Variants in RGL1 observed in about 807,000 individuals in gnomAD.
The protein encoded by RGL1 is ral guanine nucleotide dissociation stimulator-like 1.
Under a neutral mutation model 95.2 loss-of-function variants are expected in RGL1, and 24 were observed. That is an observed-to-expected ratio of 0.25 (90% CI 0.18 to 0.35). RGL1 has a LOEUF of 0.35. Among genes scored for constraint, RGL1 ranks in the 10% least tolerant of loss-of-function variants. The pLI is 1.00. For missense variants in RGL1, 715 were observed against 936.3 expected, an observed-to-expected ratio of 0.76 and a Z score of 3.08; for synonymous variants, 329 against 344.9, an observed-to-expected ratio of 0.95 and a Z score of 0.51.
intron 1 of RGL1, among the ~76,000 whole-genome samples, chr1:183,643,115 C>T (rs1650039201): frequency 6.6e-6 from 1 of 152,118 alleles, no homozygotes; most frequent in South Asian, 2.1e-4. Flanking sequence ...CTTTTTAAAG[C>T]CGAATAATAT....
intron 9 of RGL1, among the ~76,000 whole-genome samples, chr1:183,896,799 G>A (rs965824202): frequency 6.6e-6 from 1 of 152,188 alleles, no homozygotes; most frequent in Non-Finnish European, 1.5e-5. Context: ...AGAGTTTGTT[G>A]TTACAATAGA....
At chr1:183,836,808 C>A (rs929767331) in intron 2 of RGL1, among the ~76,000 whole-genome samples, 1 of 152,158 alleles carries the variant, frequency 6.6e-6, no homozygotes. Flanking sequence ...CTACATCTTA[C>A]ATCTGAATTT....
intron 2 of RGL1, among the ~76,000 whole-genome samples, chr1:183,814,035 A>C (rs116250401): frequency 0.011 from 1,598 of 152,154 alleles, 26 homozygotes; most frequent in African/African-American, 0.037. Flanking sequence ...GATTTCCCTT[A>C]ATTGTGTCAT....
At chr1:183,743,638 A>G (rs977922032) in intron 2 of RGL1, among the ~76,000 whole-genome samples, 1 of 152,230 alleles carries the variant, frequency 6.6e-6, no homozygotes, top group African/African-American at 2.4e-5. Context: ...CAATTCCTTA[A>G]TTGATAAAGA....
intron 2 of RGL1, among the ~76,000 whole-genome samples, chr1:183,829,395 C>T (rs962307399): frequency 6.6e-6 from 1 of 150,788 alleles, no homozygotes; most frequent in South Asian, 2.1e-4. Flanking sequence ...GAACCATGAT[C>T]ATGCTACTGC....
intron 1 of RGL1, among the ~76,000 whole-genome samples, chr1:183,700,291 T>A (rs757115900): frequency 5.9e-5 from 9 of 152,064 alleles, no homozygotes; most frequent in Non-Finnish European, 1.0e-4. Flanking sequence ...CTGGATCCAG[T>A]CTCTGAGGGA....
At chr1:183,789,321 GT>G (rs1660332697) in intron 2 of RGL1, among the ~76,000 whole-genome samples, 1 of 152,136 alleles carries the variant, frequency 6.6e-6, no homozygotes, top group Non-Finnish European at 1.5e-5. Flanking sequence ...ATGGTGGCAG[GT>G]GCCTGTAATC....
intron 2 of RGL1, among the ~76,000 whole-genome samples, chr1:183,768,873 GA>G (rs958065024): frequency 6.6e-6 from 1 of 152,096 alleles, no homozygotes; most frequent in African/African-American, 2.4e-5. Flanking sequence ...AAGTTTTAGT[GA>G]AAACCTAGGA....
intron 2 of RGL1, among the ~76,000 whole-genome samples, chr1:183,753,759 A>G (rs1000970434): frequency 5.9e-5 from 9 of 152,190 alleles, no homozygotes; most frequent in Admixed American, 2.0e-4. Context: ...TTTTTGGCAT[A>G]TATAGCAAGA....
chr1:183,761,551 G>C (rs553463515), intron 2 of RGL1, among the ~76,000 whole-genome samples: 8 of 152,282 alleles, frequency 5.3e-5, no homozygotes, highest in African/African-American at 1.7e-4. Flanking sequence ...CATTTATAGA[G>C]CACAGCCAGA....
At chr1:183,879,543 G>A (rs937335758) in intron 4 of RGL1, among the ~76,000 whole-genome samples, 3 of 152,194 alleles carry the variant, frequency 2.0e-5, no homozygotes, top group Admixed American at 1.3e-4. Flanking sequence ...GTTAAGATGA[G>A]GTGTTGTGTC....
intron 2 of RGL1, among the ~76,000 whole-genome samples, chr1:183,826,429 C>T (rs964288993): frequency 2.0e-5 from 3 of 152,164 alleles, no homozygotes; most frequent in Non-Finnish European, 4.4e-5. Context: ...ATTGCTGCTT[C>T]GTACATTAGA....
chr1:183,765,765 T>A (rs1226792946), intron 2 of RGL1, among the ~76,000 whole-genome samples: 1 of 152,124 alleles, frequency 6.6e-6, no homozygotes, highest in Non-Finnish European at 1.5e-5. Context: ...TTGAGAAGAA[T>A]CAAAGCAAAA....
Position 183,928,103 on chromosome 1 carries a change from G to A in RGL1, c.*1811G>A, listed in dbSNP as rs183875423. 8.5e-5 allele frequency: 13 copies of A among 152,256 alleles called. No homozygotes were observed. Among genetic ancestry groups the A allele is most frequent in the African/African-American group, 3.1e-4 (13 of 41,408 alleles). The allele number at this position is 152,256 out of a possible 1,614,324, so 9.4% of individuals were successfully genotyped here. Reference sequence around the variant, plus strand: ...TGCTTGTAGGAGAGATGGCCAGGGTGGCAGCCCTCATGCAGGTTGAAGTAT... The same window carrying A: ...TGCTTGTAGGAGAGATGGCCAGGGTAGCAGCCCTCATGCAGGTTGAAGTAT... On this transcript the variant is annotated 3_prime_UTR_variant, in exon 18 of 18. Coordinates refer to ENST00000360851, the MANE Select transcript of RGL1 (RefSeq NM_001297671.3).
intron 1 of RGL1, among the ~76,000 whole-genome samples, chr1:183,670,488 CTGGGTCTCTCTGGAGTTTTA>C (rs1485667161): frequency 6.6e-6 from 1 of 152,216 alleles, no homozygotes; most frequent in Non-Finnish European, 1.5e-5. Context: ...CCCCATATGA[CTGGGTCTCTCTGGAGTTTTA>C]AACTTACAGT....
At chr1:183,907,957 A>G (rs1178563649) in intron 14 of RGL1, among the ~76,000 whole-genome samples, 1 of 152,090 alleles carries the variant, frequency 6.6e-6, no homozygotes, top group Non-Finnish European at 1.5e-5. Flanking sequence ...TTTTTGTGCC[A>G]CTGCACTCTA....
chr1:183,751,913 G>T (rs1658026073), intron 2 of RGL1, among the ~76,000 whole-genome samples: 1 of 152,088 alleles, frequency 6.6e-6, no homozygotes. Context: ...AGATGAACTG[G>T]GTACCTCAGT....
intron 3 of RGL1, among the ~76,000 whole-genome samples, chr1:183,863,875 G>A (rs1665668913): frequency 6.6e-6 from 1 of 152,192 alleles, no homozygotes; most frequent in African/African-American, 2.4e-5. Flanking sequence ...CTGGTAGCCA[G>A]GAGAAATACT....
At chr1:183,823,341 T>TA (rs1662625316) in intron 2 of RGL1, among the ~76,000 whole-genome samples, 1 of 152,114 alleles carries the variant, frequency 6.6e-6, no homozygotes, top group South Asian at 2.1e-4. Flanking sequence ...AAGTTTCATT[T>TA]AAAAAATTAA....
Sources: allele counts gnomAD v4.1 joint callset (sites outside exome capture counted in the v4.1 genomes callset), GRCh38; gene constraint gnomAD v4.1.1; transcripts MANE v1.5; gene names NCBI Gene and HGNC (gene_info 2026-07-23, HGNC 2026-07-21).